MESD: variants seen among roughly 807,000 people sequenced by gnomAD.
The protein encoded by MESD is mesoderm development LRP chaperone, also known as LRP chaperone MESD.
In MESD, 7 loss-of-function variants were observed where a neutral mutation model predicts 12.9. The ratio of observed to expected loss-of-function variants is 0.54; its 90% CI spans 0.31 to 1.02. The LOEUF is 1.02. Ranked by LOEUF, MESD falls within the 50% of genes least tolerant of loss-of-function variation. The pLI, the probability that MESD is intolerant of heterozygous loss-of-function variation, is 0.05. For missense variants in MESD, 342 were observed against 296.7 expected, an observed-to-expected ratio of 1.15 and a Z score of -1.12; for synonymous variants, 126 against 115.6, an observed-to-expected ratio of 1.09 and a Z score of -0.58.
downstream of MESD, chr15:80,946,723 G>A (rs1189111082): frequency 7.5e-6 from 4 of 534,342 alleles, no homozygotes; most frequent in South Asian, 2.0e-5. Context: ...GTCCAGGCTT[G>A]GAGAAGGCTG....
Position 80,983,417 on chromosome 15 carries a change from G to C in MESD, c.214-1235C>G, listed in dbSNP as rs541195578. Among the ~76,000 whole-genome samples the C allele has an allele frequency of 6.8e-4, 103 of 152,222 alleles. 1 individual carries two copies. The South Asian group carries it at 0.012, about 18-fold the overall frequency. ...TAGCAATTCTGAGACTATCTTATGT[G>C]ACCTCTAGGATTGAGAAAAGGAGTA... On this transcript the variant is annotated intron_variant, in intron 1 of 2. Coordinates refer to ENST00000261758, the MANE Select transcript of MESD (RefSeq NM_015154.3).
rs1256911593 is a variant in MESD, at chr15:80,989,623, C to T, written c.169G>A (p.Asp57Asn). ...CGCGCCATGTCTGCATCATTGTAAT[C>T]GCGAATATCCTTCTTCTTCTTCCGG... Reference protein sequence around the residue: ...PPRKKKKDIRDYNDADMARLL... With the variant: ...PPRKKKKDIRNYNDADMARLL... Residue 57 changes from aspartate to asparagine, a missense_variant, in exon 1 of 3, where the codon GAT (aspartate) becomes AAT (asparagine). Asp to Asn is a conservative substitution (Grantham distance 23). Transcript: ENST00000261758. The T allele has an allele frequency of 1.9e-5, 30 of 1,614,044 alleles. No individual in the cohort carries two copies. The highest frequency in any genetic ancestry group is 2.5e-5 in the Non-Finnish European group (29 of 1,180,018).
At chr15:80,987,457 G>C (rs1428977132) in intron 1 of MESD, among the ~76,000 whole-genome samples, 1 of 151,848 alleles carries the variant, frequency 6.6e-6, no homozygotes. Context: ...GGATGAAGTA[G>C]CTAGTGAGGG....
At chr15:80,949,358 T>C (rs1901718299) in intron 4 of MESD, 5 of 295,152 alleles carry the variant, frequency 1.7e-5, no homozygotes, top group South Asian at 1.4e-4. Flanking sequence ...GGGTGGTAAA[T>C]GTAGGAGAAA....
At chr15:80,984,136 T>G (rs1884922711) in intron 1 of MESD, among the ~76,000 whole-genome samples, 1 of 152,076 alleles carries the variant, frequency 6.6e-6, no homozygotes, top group African/African-American at 2.4e-5. Context: ...CCTGACCTCG[T>G]GATCTGCCCA....
chr15:80,955,616 CGT>C lies in MESD; in HGVS notation c.*289-3322_*289-3321del, dbSNP rs536028552. Among the ~76,000 whole-genome samples, 1,411 of 144,574 alleles carry C rather than the reference CGT, an allele frequency of 9.8e-3. 26 individuals are homozygous for C. Among genetic ancestry groups the C allele is most frequent in the African/African-American group, 0.03 (1,137 of 38,496 alleles). 94.8% of individuals were successfully genotyped at this position (144,574 alleles called of 152,430 possible). A position where few individuals can be genotyped will look rare whatever the true frequency, so the allele number is the denominator to read the frequency against. The stretch of plus-strand genomic sequence containing the variant: ...AAAGTTTGAGAAGTGTGTGTTTGTG[CGT>C]GTGTGTGTGTGTGTGTGTGTGAGAG... On this transcript the variant is annotated intron_variant, in intron 3 of 4. Transcript: ENST00000561312.
downstream of MESD, among the ~76,000 whole-genome samples, chr15:80,974,501 TTGAG>T (rs1456805515): frequency 6.6e-6 from 1 of 152,058 alleles, no homozygotes. Flanking sequence ...TTTGGATTTT[TTGAG>T]TAATAGAAGT....
chr15:80,956,905 C>A (rs926177470), intron 3 of MESD, among the ~76,000 whole-genome samples: 2 of 152,062 alleles, frequency 1.3e-5, no homozygotes, highest in Admixed American at 1.3e-4. Context: ...GTGGCCTCGA[C>A]CTCCCAGGCT....
chr15:80,981,585 G>A (rs747559355), intron 2 of MESD, among the ~76,000 whole-genome samples: 10 of 152,182 alleles, frequency 6.6e-5, no homozygotes, highest in Non-Finnish European at 1.5e-4. Context: ...GCCAGGTGTG[G>A]TGGCTCACGC....
chr15:80,950,755 A>G (rs1901782914), intron 4 of MESD: 1 of 152,760 alleles, frequency 6.5e-6, no homozygotes, highest in Admixed American at 6.5e-5. Context: ...AGAGAGCCCA[A>G]AGAGCTCCTG....
chr15:80,979,992 T>G (rs1485067528), intron 2 of MESD, among the ~76,000 whole-genome samples: 1 of 152,210 alleles, frequency 6.6e-6, no homozygotes, highest in African/African-American at 2.4e-5. Flanking sequence ...CCCTTGAGCT[T>G]AGCAGCAAGC....
intron 2 of MESD, among the ~76,000 whole-genome samples, chr15:80,981,726 G>T (rs1017883575): frequency 6.6e-6 from 1 of 151,864 alleles, no homozygotes; most frequent in Non-Finnish European, 1.5e-5. Context: ...ATGGTGGCGG[G>T]CGCCTGTAGT....
chr15:80,979,198 C>T lies in MESD; in HGVS notation c.*21G>A, dbSNP rs1412004833. On this transcript the variant is annotated 3_prime_UTR_variant, in exon 3 of 3. Coordinates refer to ENST00000261758, the MANE Select transcript of MESD (RefSeq NM_015154.3). ...CTCTCCACGTCCACCTGTCCCCCCA[C>T]AGCGCGTCACTGCTGCCCCATCACA... is the stretch of plus-strand genomic sequence containing the variant. 2.5e-6 allele frequency: 4 copies of T among 1,605,110 alleles called. No individual in the cohort carries two copies. Among genetic ancestry groups the T allele is most frequent in the East Asian group, 2.2e-5 (1 of 44,842 alleles).
chr15:80,980,424 T>G (rs564277997), intron 2 of MESD, among the ~76,000 whole-genome samples: 136 of 152,314 alleles, frequency 8.9e-4, no homozygotes, highest in African/African-American at 3.1e-3. Flanking sequence ...CTCTTCATAC[T>G]AAATTAGTTA....
chr15:80,947,050 G>T, downstream of MESD: 2 of 1,612,974 alleles, frequency 1.2e-6, no homozygotes, highest in Non-Finnish European at 8.5e-7. Flanking sequence ...GGCAGACAGG[G>T]GTCTCAAGTT....
At chr15:80,967,378 A>C (rs1292520817) in intron 3 of MESD, among the ~76,000 whole-genome samples, 1 of 152,182 alleles carries the variant, frequency 6.6e-6, no homozygotes, top group Non-Finnish European at 1.5e-5. Context: ...GAGAATTTGT[A>C]AGGAAGCTTC....
chr15:80,955,066 G>A (rs1261630311), intron 3 of MESD, among the ~76,000 whole-genome samples: 1 of 152,002 alleles, frequency 6.6e-6, no homozygotes, highest in Non-Finnish European at 1.5e-5. Flanking sequence ...GGAGGCTGAG[G>A]CAGGTGAATC....
chr15:80,972,586 G>A (rs545321049), downstream of MESD, among the ~76,000 whole-genome samples: 1 of 152,202 alleles, frequency 6.6e-6, no homozygotes, highest in African/African-American at 2.4e-5. Flanking sequence ...ACTCAGGCAC[G>A]TGTAAGTAAC....
intron 3 of MESD, among the ~76,000 whole-genome samples, chr15:80,965,425 C>T (rs572124001): frequency 6.6e-6 from 1 of 152,284 alleles, no homozygotes; most frequent in Admixed American, 6.5e-5. Context: ...ACTAGAAATA[C>T]CATTTGACCC....
Sources: allele counts gnomAD v4.1 joint callset (sites outside exome capture counted in the v4.1 genomes callset), GRCh38; gene constraint gnomAD v4.1.1; transcripts MANE v1.5; gene names NCBI Gene and HGNC (gene_info 2026-07-23, HGNC 2026-07-21).